The following PGBD5 variants were observed in gnomAD, a reference collection of about 807,000 sequenced individuals.
The protein encoded by PGBD5 is piggyBac transposable element derived 5.
PGBD5 carries 14 observed loss-of-function variants against 47.9 expected under a neutral mutation model. The observed-to-expected ratio is 0.29, with a 90% CI of 0.19 to 0.46. The LOEUF (loss-of-function observed/expected upper bound fraction) is 0.46, where lower values mean the gene tolerates loss of function less well. Ranked by LOEUF, PGBD5 falls within the 20% of genes least tolerant of loss-of-function variation. The pLI is 1.00. For synonymous variants in PGBD5, 316 were observed against 306.3 expected (o/e 1.03, Z -0.33); for missense variants, 635 against 716.0 (o/e 0.89, Z 1.29).
chr1:230,413,056 C>T (rs1286968291), intron 1 of PGBD5, among the ~76,000 whole-genome samples: 1 of 152,030 alleles, frequency 6.6e-6, no homozygotes, highest in East Asian at 1.9e-4. Context: ...TTTTTCTCAT[C>T]AACATTATAA....
intron 1 of PGBD5, among the ~76,000 whole-genome samples, chr1:230,367,794 C>T (rs1454451688): frequency 1.3e-5 from 2 of 152,182 alleles, no homozygotes; most frequent in Non-Finnish European, 1.5e-5. Flanking sequence ...CGGCATACTC[C>T]GTGGAGGCTC....
At chr1:230,417,182 G>A (rs1363942625) in intron 1 of PGBD5, among the ~76,000 whole-genome samples, 3 of 152,072 alleles carry the variant, frequency 2.0e-5, no homozygotes, top group African/African-American at 7.2e-5. Context: ...AGATATTTCA[G>A]GGATTCCAGT....
intron 6 of PGBD5, among the ~76,000 whole-genome samples, chr1:230,324,929 G>A (rs886887648): frequency 2.0e-5 from 3 of 152,248 alleles, no homozygotes; most frequent in Non-Finnish European, 2.9e-5. Flanking sequence ...GATGCCCAGT[G>A]TGTTAGGGGT....
intron 3 of PGBD5, among the ~76,000 whole-genome samples, chr1:230,345,420 G>A (rs1393288087): frequency 1.3e-5 from 2 of 152,198 alleles, no homozygotes; most frequent in Non-Finnish European, 2.9e-5. Flanking sequence ...CTCCTCCTTG[G>A]CTCACAGGGG....
Position 230,323,919 on chromosome 1 carries a change from G to A in PGBD5, c.1380-299C>T, listed in dbSNP as rs1667076243. Among the ~76,000 whole-genome samples, 1 of 152,198 alleles carries A rather than the reference G, an allele frequency of 6.6e-6. No homozygotes were observed. Among genetic ancestry groups the A allele is most frequent in the Admixed American group, 6.5e-5 (1 of 15,286 alleles). ...GCGCACAGCCCCGGAGTGGACAGGC[G>A]CCTGCCAGCCTCTCCAGCTTCCCTG... On this transcript the variant is annotated intron_variant, in intron 6 of 6. Coordinates refer to ENST00000391860, the MANE Select transcript of PGBD5 (RefSeq NM_001258311.2). This position sits in a 1 kb window ranked among gnomAD's most constrained non-coding sequence, Gnocchi z 4.1.
At position 230,320,726 on chromosome 1, in the gene PGBD5, G is replaced by T. The variant is rs181538708; in HGVS notation, c.*2699C>A. On this transcript the variant is annotated 3_prime_UTR_variant, in exon 7 of 7. Transcript: ENST00000391860. ...TGAACCCAGGGAGATACTGGAACCA[G>T]ATGCACTTCAACTAGAGTCACTCCA... The T allele has an allele frequency of 6.6e-6, 1 of 152,340 alleles. No individual in the cohort carries two copies. The highest frequency in any genetic ancestry group is 1.9e-4 in the East Asian group (1 of 5,184). 9.4% of individuals were successfully genotyped at this position (152,340 alleles called of 1,614,324 possible). A position where few individuals can be genotyped will look rare whatever the true frequency, so the allele number is the denominator to read the frequency against.
intron 3 of PGBD5, among the ~76,000 whole-genome samples, chr1:230,347,556 T>C (rs1667494891): frequency 6.8e-6 from 1 of 146,764 alleles, no homozygotes; most frequent in African/African-American, 2.5e-5. Flanking sequence ...CTTGGCTCAC[T>C]GCAACCTCCG....
chr1:230,374,534 AAAGCT>A lies in PGBD5; in HGVS notation c.332-17218_332-17214del, dbSNP rs375118238. 3.8e-3 allele frequency among the ~76,000 whole-genome samples: 586 copies of A among 152,374 alleles called. 4 individuals carry two copies. Among genetic ancestry groups the A allele is most frequent in the African/African-American group, 0.014 (566 of 41,592 alleles). ...CAAATCAGAATGACTAGAAGAATCT[AAAGCT>A]AAGCATCAGCCATGATCCCCTTCCT... On this transcript the variant is annotated intron_variant, in intron 1 of 6. Transcript: ENST00000391860.
chr1:230,335,738 T>C (rs376236410), intron 4 of PGBD5, among the ~76,000 whole-genome samples: 1 of 418 alleles, frequency 2.4e-3, no homozygotes, highest in African/African-American at 6.2e-3. Flanking sequence ...CACACAGACT[T>C]ACACAAAGAC....
chr1:230,334,149 C>A (rs17764085), intron 4 of PGBD5, among the ~76,000 whole-genome samples: 1 of 152,192 alleles, frequency 6.6e-6, no homozygotes, highest in African/African-American at 2.4e-5. Flanking sequence ...TTTCCTCTTC[C>A]GAATTCCTTT....
Position 230,426,000 on chromosome 1 carries a change from G to T in PGBD5, c.-72C>A. On this transcript the variant is annotated 5_prime_UTR_variant, in exon 1 of 7. Coordinates refer to ENST00000391860, the MANE Select transcript of PGBD5 (RefSeq NM_001258311.2). The surrounding 1 kb of genome is among the most constrained non-coding windows in gnomAD (Gnocchi z 4.7). ...CGCACACGCCGGGCCCTGGGCCCGCGCCGCGGCCCGCCGCCCCCCACCAGC... is the reference window on the plus strand; with the variant it reads ...CGCACACGCCGGGCCCTGGGCCCGCTCCGCGGCCCGCCGCCCCCCACCAGC... The T allele has an allele frequency of 1.4e-6, 1 of 699,580 alleles. No homozygotes were observed. Among genetic ancestry groups the T allele is most frequent in the Non-Finnish European group, 1.7e-6 (1 of 574,438 alleles). The allele number at this position is 699,580 out of a possible 1,614,324, so 43.3% of individuals were successfully genotyped here.
chr1:230,364,468 G>T (rs1177831167), intron 1 of PGBD5, among the ~76,000 whole-genome samples: 4 of 152,224 alleles, frequency 2.6e-5, no homozygotes, highest in Admixed American at 2.6e-4. Flanking sequence ...GAAACTGCCA[G>T]AAAACCCCAA....
Position 230,337,106 on chromosome 1 carries a change from A to C in PGBD5, c.1075+2T>G. ...TCCTCACTGGCTCCCCACTTGACTA[A>C]CCTTGCTTCTCAAACTCTTCAAACA... On this transcript the variant is annotated splice_donor_variant, in intron 4 of 6. Transcript: ENST00000391860. LOFTEE classifies it high-confidence loss of function. The C allele has an allele frequency of 6.2e-7, 1 of 1,613,080 alleles. No homozygotes were observed. The highest frequency in any genetic ancestry group is 8.5e-7 in the Non-Finnish European group (1 of 1,179,318).
At chr1:230,420,778 A>G (rs1356358215) in intron 1 of PGBD5, among the ~76,000 whole-genome samples, 1 of 152,236 alleles carries the variant, frequency 6.6e-6, no homozygotes, top group Non-Finnish European at 1.5e-5. Flanking sequence ...CTTTATCAGC[A>G]GCATGAAAAT....
At chr1:230,418,916 T>C (rs1477252179) in intron 1 of PGBD5, among the ~76,000 whole-genome samples, 2 of 152,244 alleles carry the variant, frequency 1.3e-5, no homozygotes, top group African/African-American at 2.4e-5. Context: ...ATAAGCTTCA[T>C]TATATAAAGT....
intron 3 of PGBD5, among the ~76,000 whole-genome samples, chr1:230,348,501 T>C (rs1667508885): frequency 6.6e-6 from 1 of 152,214 alleles, no homozygotes; most frequent in Admixed American, 6.5e-5. Context: ...CTGCTCTCTA[T>C]GTCTTACAAG....
rs185139501 is a variant in PGBD5 at position 230,388,636 on chromosome 1, C to T, written c.332-31315G>A. ...TTCACCATGTTAGCCAGGATGGCCT[C>T]GATCTCCTGACCTCATGATCCACCT... On this transcript the variant is annotated intron_variant, in intron 1 of 6. Transcript: ENST00000391860. Among the ~76,000 whole-genome samples the T allele has an allele frequency of 2.0e-3, 297 of 152,212 alleles. 4 individuals are homozygous for T. The highest frequency in any genetic ancestry group is 6.5e-3 in the African/African-American group (270 of 41,528).
intron 5 of PGBD5, among the ~76,000 whole-genome samples, chr1:230,328,818 T>G (rs530606660): frequency 3.3e-5 from 5 of 152,336 alleles, no homozygotes; most frequent in Middle Eastern, 3.4e-3. Flanking sequence ...TTAGTGAATG[T>G]GAATCCTAAA....
intron 6 of PGBD5, 132 bp downstream of exon 6, chr1:230,325,178 G>C (rs1667096025): frequency 1.4e-6 from 1 of 712,746 alleles, no homozygotes; most frequent in Non-Finnish European, 2.4e-6. Flanking sequence ...GCTGAGGGCA[G>C]GATCTTACCT....
Sources: allele counts gnomAD v4.1 joint callset (sites outside exome capture counted in the v4.1 genomes callset), GRCh38; gene constraint gnomAD v4.1.1; non-coding constraint Gnocchi (gnomAD v3.1); transcripts MANE v1.5; gene names NCBI Gene and HGNC (gene_info 2026-07-23, HGNC 2026-07-21).